The following SCAI variants were observed in gnomAD, a reference collection of about 807,000 sequenced individuals.
SCAI encodes the protein protein SCAI.
SCAI carries 24 observed loss-of-function variants against 92.2 expected under a neutral mutation model. The ratio of observed to expected loss-of-function variants is 0.26; its 90% CI spans 0.19 to 0.37. The LOEUF is 0.37. Ranked by LOEUF, SCAI falls within the 10% of genes least tolerant of loss-of-function variation. SCAI has a pLI of 1.00. For synonymous variants in SCAI, 261 were observed against 258.6 expected, an observed-to-expected ratio of 1.01 and a Z score of -0.09; for missense variants, 450 against 736.2, an observed-to-expected ratio of 0.61 and a Z score of 4.50.
In SCAI at chr9:125,045,474, G is replaced by A. The variant is rs949798416; in HGVS notation, c.230+10402C>T. 1.3e-5 allele frequency among the ~76,000 whole-genome samples: 2 copies of A among 152,106 alleles called. 1 individual carries two copies. Among genetic ancestry groups the A allele is most frequent in the South Asian group, 4.1e-4 (2 of 4,834 alleles). ...TCTCACCTCAACCTCTTGAGCAGCT[G>A]GACTACAGGCATGCACTACCACACC... is the stretch of plus-strand genomic sequence containing the variant. On this transcript the variant is annotated intron_variant, in intron 3 of 17. Coordinates refer to ENST00000336505, the MANE Select transcript of SCAI (RefSeq NM_001144877.3).
chr9:125,018,750 A>G (rs777991661), intron 9 of SCAI, 49 bp downstream of exon 9: 1 of 1,455,156 alleles, frequency 6.9e-7, no homozygotes. Flanking sequence ...CATCAATAGC[A>G]CTATTTTTCA....
chr9:125,035,071 A>AG (rs1260922727), intron 3 of SCAI, among the ~76,000 whole-genome samples: 6 of 152,142 alleles, frequency 3.9e-5, no homozygotes, highest in Non-Finnish European at 7.4e-5. Flanking sequence ...AAAAGAAGAG[A>AG]GGCTGGGTGT....
intron 3 of SCAI, among the ~76,000 whole-genome samples, chr9:125,044,990 C>T (rs947565184): frequency 3.3e-5 from 5 of 152,172 alleles, no homozygotes; most frequent in African/African-American, 1.2e-4. Flanking sequence ...GTGGCCAGAC[C>T]CCATGCCCAT....
At position 125,013,516 on chromosome 9, in the gene SCAI, T is replaced by G. The variant is rs989148018; in HGVS notation, c.861+5283A>C. On this transcript the variant is annotated intron_variant, in intron 9 of 17. Coordinates refer to ENST00000336505, the MANE Select transcript of SCAI (RefSeq NM_001144877.3). Reference sequence around the variant, plus strand: ...ATCTCTGAATAGACCAGTAACAGGCTCTGAAATTGTGGCAATAATCAATAG... The same window carrying G: ...ATCTCTGAATAGACCAGTAACAGGCGCTGAAATTGTGGCAATAATCAATAG... 1.6e-4 allele frequency among the ~76,000 whole-genome samples: 24 copies of G among 152,248 alleles called. No individual in the cohort carries two copies. The East Asian group carries it at 4.1e-3, about 26-fold the overall frequency.
intron 17 of SCAI, among the ~76,000 whole-genome samples, chr9:124,969,501 T>C (rs566073411): frequency 6.6e-6 from 1 of 152,312 alleles, no homozygotes; most frequent in East Asian, 1.9e-4. Context: ...GAACACATTC[T>C]TTACAAAGAG....
At chr9:125,120,296 G>A (rs1835132481) in intron 2 of SCAI, among the ~76,000 whole-genome samples, 1 of 152,176 alleles carries the variant, frequency 6.6e-6, no homozygotes, top group African/African-American at 2.4e-5. Flanking sequence ...AAAAAACAAG[G>A]AGTAAAGAGA....
chr9:125,097,685 C>T (rs954767866), intron 2 of SCAI, among the ~76,000 whole-genome samples: 29 of 151,866 alleles, frequency 1.9e-4, no homozygotes, highest in African/African-American at 6.0e-4. Flanking sequence ...GAAGATTTCT[C>T]TAACTCCCAT....
chr9:124,999,998 A>C lies in SCAI; in HGVS notation c.1145-8T>G. The stretch of plus-strand genomic sequence containing the variant: ...CTCCAAAATCATAAGGACCTATAAA[A>C]ACAAAGGGAAGAATCCTAGACTTCA... On this transcript the variant is annotated splice_region_variant and splice_polypyrimidine_tract_variant and intron_variant, in intron 12 of 17. Transcript: ENST00000336505. 7.2e-7 allele frequency: 1 copy of C among 1,387,106 alleles called. No homozygotes were observed. The highest frequency in any genetic ancestry group is 1.3e-5 in the South Asian group (1 of 79,512). The allele number at this position is 1,387,106 out of a possible 1,614,324, so 85.9% of individuals were successfully genotyped here.
chr9:125,062,130 A>AT (rs111660631), intron 2 of SCAI, among the ~76,000 whole-genome samples: 249 of 146,326 alleles, frequency 1.7e-3, no homozygotes, highest in Middle Eastern at 0.01. Flanking sequence ...TAATCTCTAG[A>AT]TTTTTTTTTT....
At chr9:125,093,088 C>T (rs989100905) in intron 2 of SCAI, among the ~76,000 whole-genome samples, 9 of 152,174 alleles carry the variant, frequency 5.9e-5, no homozygotes, top group African/African-American at 2.2e-4. Flanking sequence ...CGGCTGGGCA[C>T]GATGGCTCAT....
At position 125,026,961 on chromosome 9, in the gene SCAI, C is replaced by T. The variant is rs369451246; in HGVS notation, c.414-51G>A. 438 of 1,092,924 alleles carry T rather than the reference C, an allele frequency of 4.0e-4. 1 individual carries two copies. The highest frequency in any genetic ancestry group is 5.3e-4 in the Non-Finnish European group (393 of 734,604). The allele number at this position is 1,092,924 out of a possible 1,614,324, so 67.7% of individuals were successfully genotyped here. The stretch of plus-strand genomic sequence containing the variant: ...TATGACAGTGTCAGAGACTCTTCAC[C>T]ATGGTAAATACTTGTTCTATATACC... On this transcript the variant is annotated intron_variant, in intron 5 of 17. Transcript: ENST00000336505.
intron 2 of SCAI, among the ~76,000 whole-genome samples, chr9:125,107,861 A>T (rs987617381): frequency 6.6e-6 from 1 of 151,318 alleles, no homozygotes; most frequent in Admixed American, 6.6e-5. Flanking sequence ...CTCTCTTTCC[A>T]CGGTCTCCCT....
chr9:125,024,072 C>T (rs748116018), intron 6 of SCAI, among the ~76,000 whole-genome samples: 2 of 151,998 alleles, frequency 1.3e-5, no homozygotes, highest in Non-Finnish European at 2.9e-5. Context: ...CTTATGTTGA[C>T]ATCAACATAA....
At chr9:125,116,825 T>C (rs1244854930) in intron 2 of SCAI, among the ~76,000 whole-genome samples, 1 of 152,152 alleles carries the variant, frequency 6.6e-6, no homozygotes, top group Non-Finnish European at 1.5e-5. Context: ...AATTATCCCA[T>C]TTTTTGAGCT....
chr9:125,007,274 C>A (rs528322402), intron 9 of SCAI, among the ~76,000 whole-genome samples: 2 of 152,118 alleles, frequency 1.3e-5, no homozygotes, highest in South Asian at 4.2e-4. Context: ...GTTAGCATAA[C>A]TAGAGAGTAT....
intron 2 of SCAI, among the ~76,000 whole-genome samples, chr9:125,096,116 A>C (rs1384690650): frequency 2.6e-5 from 4 of 152,204 alleles, no homozygotes; most frequent in Non-Finnish European, 5.9e-5. Flanking sequence ...GTTGATAAAG[A>C]CATACCCAAG....
intron 2 of SCAI, among the ~76,000 whole-genome samples, chr9:125,120,343 T>G (rs1385937370): frequency 6.6e-6 from 1 of 152,170 alleles, no homozygotes; most frequent in East Asian, 1.9e-4. Context: ...CTCCCCATGA[T>G]GAAATGAATT....
intron 2 of SCAI, among the ~76,000 whole-genome samples, chr9:125,078,122 A>G (rs1197230978): frequency 6.6e-6 from 1 of 152,106 alleles, no homozygotes; most frequent in Non-Finnish European, 1.5e-5. Context: ...ATTTGCAAAT[A>G]CATTATTCCT....
At chr9:124,954,261 G>A (rs1831280110) in intron 17 of SCAI, among the ~76,000 whole-genome samples, 1 of 152,180 alleles carries the variant, frequency 6.6e-6, no homozygotes, top group Admixed American at 6.5e-5. Context: ...GGAACAAACT[G>A]ACATTTTTAT....
Sources: allele counts gnomAD v4.1 joint callset (sites outside exome capture counted in the v4.1 genomes callset), GRCh38; gene constraint gnomAD v4.1.1; transcripts MANE v1.5; gene names NCBI Gene and HGNC (gene_info 2026-07-23, HGNC 2026-07-21).